The following FGF13 variants were observed in gnomAD, a reference collection of about 807,000 sequenced individuals.
FGF13 encodes fibroblast growth factor 13, also known as fibroblast growth factor homologous factor 2.
A neutral mutation model predicts 19.5 loss-of-function variants in FGF13; 2 were observed. That is an observed-to-expected ratio of 0.10 (90% CI 0.04 to 0.32). The LOEUF (loss-of-function observed/expected upper bound fraction) is 0.32. Among genes scored for constraint, FGF13 ranks in the 10% least tolerant of loss-of-function variants. The probability of loss-of-function intolerance (pLI) is 1.00; values close to 1 mark genes in which losing one functional copy is unlikely to be tolerated. For synonymous variants in FGF13, 72 were observed against 76.9 expected (o/e 0.94, Z 0.33); for missense variants, 113 against 192.7 (o/e 0.59, Z 2.45).
chrX:138,800,831 C>T (rs7049311), intron 3 of FGF13, among the ~76,000 whole-genome samples: 178 of 111,983 alleles, frequency 1.6e-3, no homozygotes, highest in African/African-American at 5.6e-3. Flanking sequence ...TTTCAGTAAG[C>T]TGATCTTCAA....
In FGF13 at chrX:138,618,613, A is replaced by G. The variant is rs971086517; in HGVS notation, c.*14237T>C. On this transcript the variant is annotated 3_prime_UTR_variant, in exon 5 of 5. Transcript: ENST00000315930. ...GAAGCTGACACATGGGTGCTCCCAAAACTTTGCATGTCTCCCTCTCTCCTC... is the reference window on the plus strand; with the variant it reads ...GAAGCTGACACATGGGTGCTCCCAAGACTTTGCATGTCTCCCTCTCTCCTC... 2 of 111,403 alleles carry G rather than the reference A, an allele frequency of 1.8e-5. No individual in the cohort carries two copies. Among genetic ancestry groups the G allele is most frequent in the African/African-American group, 6.6e-5 (2 of 30,527 alleles). The allele number at this position is 111,403 out of a possible 1,213,427, so 9.2% of individuals were successfully genotyped here. A position where few individuals can be genotyped will look rare whatever the true frequency, so the allele number is the denominator to read the frequency against.
At chrX:139,147,795 G>T (rs752265796) in intron 1 of FGF13, among the ~76,000 whole-genome samples, 14 of 110,416 alleles carry the variant, frequency 1.3e-4, no homozygotes, top group Non-Finnish European at 2.5e-4. Flanking sequence ...TTGGATTTAG[G>T]GTTGATCCTA....
At chrX:138,954,589 T>C (rs2091831719) in intron 1 of FGF13, among the ~76,000 whole-genome samples, 1 of 111,919 alleles carries the variant, frequency 8.9e-6, no homozygotes, top group Admixed American at 9.5e-5. Flanking sequence ...TCAGTATCTA[T>C]TATTGTGATC....
intron 1 of FGF13, among the ~76,000 whole-genome samples, chrX:139,045,886 A>AG (rs2092285709): frequency 8.9e-6 from 1 of 111,732 alleles, no homozygotes. Flanking sequence ...ACTTTCTCTC[A>AG]TCTACCTGTC....
At chrX:138,724,913 G>A (rs142547316) in intron 1 of FGF13, among the ~76,000 whole-genome samples, 1,682 of 111,975 alleles carry the variant, frequency 0.015, 37 homozygotes, top group African/African-American at 0.051. Context: ...ATGTACCATA[G>A]TATGTTAACT....
chrX:139,157,936 G>A (rs894153908), intron 1 of FGF13, among the ~76,000 whole-genome samples: 4 of 112,433 alleles, frequency 3.6e-5, no homozygotes, highest in Admixed American at 9.4e-5. Context: ...TGGTTAGACA[G>A]TGGGTGCAGC....
chrX:138,702,969 C>T lies in FGF13; in HGVS notation c.402+15G>A, dbSNP rs759575594. 3.5e-6 allele frequency: 4 copies of T among 1,139,180 alleles called. No individual in the cohort carries two copies. The highest frequency in any genetic ancestry group is 4.8e-6 in the Non-Finnish European group (4 of 830,042). 93.9% of individuals were successfully genotyped at this position (1,139,180 alleles called of 1,213,427 possible). A position where few individuals can be genotyped will look rare whatever the true frequency, so the allele number is the denominator to read the frequency against. On this transcript the variant is annotated intron_variant, in intron 3 of 4. Coordinates refer to ENST00000315930, the MANE Select transcript of FGF13 (RefSeq NM_004114.5). ...AACTAGAATAGTCAAAACATGCACACAGTCAAAAGCTTACCGAGGTGTACA... is the reference window on the plus strand; with the variant it reads ...AACTAGAATAGTCAAAACATGCACATAGTCAAAAGCTTACCGAGGTGTACA...
At position 138,629,178 on chromosome X, in the gene FGF13, T is replaced by C. The variant is rs1454893706; in HGVS notation, c.*3672A>G. ...ACACCACAGGTGATTCAGGTACACA[T>C]AAAAAGCTTGAGGACTACCACTCTA... On this transcript the variant is annotated 3_prime_UTR_variant, in exon 5 of 5. Transcript: ENST00000315930. The C allele has an allele frequency of 1.8e-5, 2 of 111,669 alleles. No homozygotes were observed. The highest frequency in any genetic ancestry group is 5.7e-4 in the East Asian group (2 of 3,524). 9.2% of individuals were successfully genotyped at this position (111,669 alleles called of 1,213,427 possible). A position where few individuals can be genotyped will look rare whatever the true frequency, so the allele number is the denominator to read the frequency against.
At chrX:138,835,176 G>C (rs2091102805) in intron 3 of FGF13, among the ~76,000 whole-genome samples, 2 of 111,515 alleles carry the variant, frequency 1.8e-5, no homozygotes, top group Non-Finnish European at 3.8e-5. Flanking sequence ...AGGTCCATTT[G>C]ATCCAGTGAT....
chrX:139,034,384 G>C (rs1249062176), intron 1 of FGF13, among the ~76,000 whole-genome samples: 1 of 111,341 alleles, frequency 9.0e-6, no homozygotes, highest in Non-Finnish European at 1.9e-5. Flanking sequence ...GGGTGAATGG[G>C]GGAAGTGGGG....
chrX:139,002,918 C>A (rs2092080247), intron 1 of FGF13, among the ~76,000 whole-genome samples: 1 of 112,031 alleles, frequency 8.9e-6, no homozygotes, highest in Non-Finnish European at 1.9e-5. Context: ...GACTCTAAGA[C>A]TTATTGACTT....
intron 3 of FGF13, among the ~76,000 whole-genome samples, chrX:138,763,647 A>G (rs143403994): frequency 0.016 from 1,794 of 111,834 alleles, 24 homozygotes; most frequent in African/African-American, 0.055. Context: ...AACATGAGGG[A>G]CTGCTTCAGT....
chrX:139,035,257 A>G (rs1366735314), intron 1 of FGF13, among the ~76,000 whole-genome samples: 2 of 111,633 alleles, frequency 1.8e-5, no homozygotes, highest in African/African-American at 6.5e-5. Context: ...ATAACTGTTC[A>G]AAAATGCCCC....
chrX:138,909,397 A>G (rs973148903), intron 1 of FGF13, among the ~76,000 whole-genome samples: 2 of 111,748 alleles, frequency 1.8e-5, no homozygotes, highest in African/African-American at 6.5e-5. Flanking sequence ...AGCAGACCCA[A>G]TGGAAAGCTC....
intron 1 of FGF13, among the ~76,000 whole-genome samples, chrX:138,994,341 C>T (rs144764939): frequency 2.7e-5 from 3 of 110,878 alleles, no homozygotes; most frequent in Non-Finnish European, 5.7e-5. Context: ...CTTATGAACT[C>T]ATCTATACCT....
intron 3 of FGF13, among the ~76,000 whole-genome samples, chrX:138,766,265 T>C (rs972295650): frequency 8.9e-6 from 1 of 112,277 alleles, no homozygotes; most frequent in Admixed American, 9.4e-5. Flanking sequence ...ACCTGCTACA[T>C]AGTAGGTGGT....
chrX:139,170,465 A>G (rs757704474), intron 1 of FGF13, among the ~76,000 whole-genome samples: 1 of 111,750 alleles, frequency 8.9e-6, no homozygotes, highest in East Asian at 2.8e-4. Context: ...AGATACCTGC[A>G]TTCTCTACAT....
intron 1 of FGF13, among the ~76,000 whole-genome samples, chrX:139,124,446 G>A (rs2083700606): frequency 8.9e-6 from 1 of 111,856 alleles, no homozygotes; most frequent in Non-Finnish European, 1.9e-5. Context: ...TGCCCTCACA[G>A]GTCTTGACTC....
chrX:138,784,879 C>T (rs903282966), intron 3 of FGF13, among the ~76,000 whole-genome samples: 1 of 112,139 alleles, frequency 8.9e-6, no homozygotes. Flanking sequence ...CTACTCTCTT[C>T]CTACTTCACT....
Sources: allele counts gnomAD v4.1 joint callset (sites outside exome capture counted in the v4.1 genomes callset), GRCh38; gene constraint gnomAD v4.1.1; transcripts MANE v1.5; gene names NCBI Gene and HGNC (gene_info 2026-07-23, HGNC 2026-07-21).